CTDSPL2: variants seen among roughly 807,000 people sequenced by gnomAD.
The protein encoded by CTDSPL2 is CTD small phosphatase-like protein 2.
Under a neutral mutation model 60.0 loss-of-function variants are expected in CTDSPL2, and 5 were observed. That is an observed-to-expected ratio of 0.08 (90% CI 0.04 to 0.18). The LOEUF (loss-of-function observed/expected upper bound fraction) is 0.18, where lower values mean the gene tolerates loss of function less well. Among genes scored for constraint, CTDSPL2 ranks in the 10% least tolerant of loss-of-function variants. CTDSPL2 has a pLI of 1.00. For synonymous variants in CTDSPL2, 186 were observed against 189.3 expected (o/e 0.98, Z 0.14); for missense variants, 370 against 548.8 (o/e 0.67, Z 3.26).
chr15:44,452,237 T>G (rs2080347215), intron 1 of CTDSPL2, among the ~76,000 whole-genome samples: 1 of 152,224 alleles, frequency 6.6e-6, no homozygotes, highest in African/African-American at 2.4e-5. Context: ...AAATCTGTTT[T>G]GCTTTTTTTC....
At chr15:44,479,008 T>C (rs1000227830) in intron 2 of CTDSPL2, among the ~76,000 whole-genome samples, 2 of 151,836 alleles carry the variant, frequency 1.3e-5, no homozygotes, top group Admixed American at 6.6e-5. Flanking sequence ...GACATGCCAC[T>C]CCTGGCTTTT....
intron 1 of CTDSPL2, among the ~76,000 whole-genome samples, chr15:44,434,859 A>G (rs1357087050): frequency 6.6e-6 from 1 of 152,186 alleles, no homozygotes; most frequent in Non-Finnish European, 1.5e-5. Context: ...TTTTTAAATA[A>G]TTTTATAATA....
intron 5 of CTDSPL2, 72 bp downstream of exon 5, chr15:44,491,071 C>G: frequency 1.7e-6 from 2 of 1,156,782 alleles, no homozygotes; most frequent in Non-Finnish European, 2.5e-6. Context: ...CATATTTTTT[C>G]TTAAATGAGC....
chr15:44,497,404 C>T (rs1018800362), intron 7 of CTDSPL2, among the ~76,000 whole-genome samples: 9 of 152,058 alleles, frequency 5.9e-5, no homozygotes, highest in African/African-American at 1.9e-4. Context: ...CTCGCTCTGT[C>T]GCCCAGGCTG....
intron 8 of CTDSPL2, chr15:44,501,902 C>T (rs1318531492): frequency 9.4e-6 from 4 of 425,676 alleles, no homozygotes; most frequent in Non-Finnish European, 1.9e-5. Flanking sequence ...TTAGGGTTCC[C>T]CCAGTTTTCA....
At chr15:44,458,643 A>G (rs2080498292) in intron 1 of CTDSPL2, among the ~76,000 whole-genome samples, 1 of 152,222 alleles carries the variant, frequency 6.6e-6, no homozygotes. Context: ...TATGTATGCA[A>G]TAAATATTTG....
chr15:44,459,269 T>C, intron 2 of CTDSPL2, 69 bp downstream of exon 2: 2 of 1,161,204 alleles, frequency 1.7e-6, no homozygotes, highest in Non-Finnish European at 2.4e-6. Flanking sequence ...GGCTCACGCC[T>C]GTAATCCCAG....
At chr15:44,448,020 T>C in intron 1 of CTDSPL2, 1 of 231,558 alleles carries the variant, frequency 4.3e-6, no homozygotes, top group Non-Finnish European at 8.9e-6. Flanking sequence ...CCACCCCAGT[T>C]CCATCCGGAT....
At chr15:44,475,362 G>T (rs1051439452) in intron 2 of CTDSPL2, among the ~76,000 whole-genome samples, 1 of 152,092 alleles carries the variant, frequency 6.6e-6, no homozygotes, top group East Asian at 1.9e-4. Flanking sequence ...CTTCAGGCCG[G>T]GCGTGGTGGC....
chr15:44,494,454 A>T (rs189182835), intron 5 of CTDSPL2, among the ~76,000 whole-genome samples: 2,704 of 152,170 alleles, frequency 0.018, 87 homozygotes, highest in African/African-American at 0.062. Context: ...CCACAAAAAA[A>T]TTTTTAAAAA....
chr15:44,477,838 C>CA (rs372324023), intron 2 of CTDSPL2, among the ~76,000 whole-genome samples: 1,525 of 136,730 alleles, frequency 0.011, 20 homozygotes, highest in African/African-American at 0.024. Context: ...AACGTAGTCT[C>CA]AAAAAAAAAA....
In CTDSPL2 at chr15:44,459,096, T is replaced by A. The variant is rs747385750; in HGVS notation, c.82T>A (p.Ser28Thr). 6.2e-7 allele frequency: 1 copy of A among 1,613,272 alleles called. No homozygotes were observed. Among genetic ancestry groups the A allele is most frequent in the South Asian group, 1.1e-5 (1 of 91,012 alleles). ...CACTGCCAGAGCAAAGAGGAAATAT[T>A]CAGAGGTTGATGATAGCCTGCCTTC... ...QRTARAKRKY[S>T]EVDDSLPSGG... Residue 28 changes from serine to threonine, a missense_variant, in exon 2 of 13, where the codon TCA becomes ACA. By Grantham distance (58) the Ser-to-Thr change is moderately conservative. Transcript: ENST00000260327.
chr15:44,476,288 G>A (rs1047551135), intron 2 of CTDSPL2, among the ~76,000 whole-genome samples: 2 of 151,918 alleles, frequency 1.3e-5, no homozygotes, highest in East Asian at 3.9e-4. Flanking sequence ...GGATGGTCTC[G>A]ATCTCCTGAC....
At position 44,528,285 on chromosome 15, in the gene CTDSPL2, T is replaced by C. The variant is rs964474375; in HGVS notation, c.*4111T>C. ...GCTTTTAAAATAGATTCCTGGAGCC[T>C]ACCCCTGGAAAATTGTCTCGCTGGA... On this transcript the variant is annotated 3_prime_UTR_variant, in exon 13 of 13. Coordinates refer to ENST00000260327, the MANE Select transcript of CTDSPL2 (RefSeq NM_016396.3). 1 of 152,072 alleles carries C rather than the reference T, an allele frequency of 6.6e-6. No homozygotes were observed. The allele number at this position is 152,072 out of a possible 1,614,324, so 9.4% of individuals were successfully genotyped here. A position where few individuals can be genotyped will look rare whatever the true frequency, so the allele number is the denominator to read the frequency against.
chr15:44,518,112 G>T (rs1229751583), intron 10 of CTDSPL2, among the ~76,000 whole-genome samples: 1 of 152,124 alleles, frequency 6.6e-6, no homozygotes, highest in Non-Finnish European at 1.5e-5. Context: ...TGGTAGCACT[G>T]TGACAGATTT....
chr15:44,502,851 G>T (rs2081402109), intron 8 of CTDSPL2, among the ~76,000 whole-genome samples: 1 of 152,056 alleles, frequency 6.6e-6, no homozygotes, highest in Non-Finnish European at 1.5e-5. Context: ...GAACTTTGAG[G>T]TGGCCACTAC....
In CTDSPL2 at chr15:44,427,776, A is replaced by ACGCCCTTCGTCCCCTTCG. The variant is rs1339261054; in HGVS notation, c.-25+4_-25+5insCGCCCTTCGTCCCCTTCG. On this transcript the variant is annotated splice_donor_region_variant and intron_variant, in intron 1 of 12. Transcript: ENST00000260327. The stretch of plus-strand genomic sequence containing the variant: ...ACTTCTCTGTCGTCACAGTTAGGTA[A>ACGCCCTTCGTCCCCTTCG]TCCCCTTCGTCCAGACGCCGCCGCT... The ACGCCCTTCGTCCCCTTCG allele has an allele frequency of 2.5e-6, 1 of 398,994 alleles. No individual in the cohort carries two copies. Among genetic ancestry groups the ACGCCCTTCGTCCCCTTCG allele is most frequent in the Non-Finnish European group, 4.4e-6 (1 of 226,334 alleles). The allele number at this position is 398,994 out of a possible 1,614,324, so 24.7% of individuals were successfully genotyped here.
In CTDSPL2 at chr15:44,526,226, G is replaced by A. The variant is rs1310295820; in HGVS notation, c.*2052G>A. On this transcript the variant is annotated 3_prime_UTR_variant, in exon 13 of 13. Transcript: ENST00000260327. The stretch of plus-strand genomic sequence containing the variant: ...TGTGAACCTAGTTACATTTCTCCCT[G>A]CTCCCTTCCTTTTTATGCTCAAACA... The A allele has an allele frequency of 6.6e-6, 1 of 151,944 alleles. No homozygotes were observed. Among genetic ancestry groups the A allele is most frequent in the Non-Finnish European group, 1.5e-5 (1 of 67,952 alleles). 9.4% of individuals were successfully genotyped at this position (151,944 alleles called of 1,614,324 possible). A position where few individuals can be genotyped will look rare whatever the true frequency, so the allele number is the denominator to read the frequency against.
chr15:44,501,225 G>A (rs114355322), intron 8 of CTDSPL2, among the ~76,000 whole-genome samples: 2 of 151,926 alleles, frequency 1.3e-5, no homozygotes, highest in Non-Finnish European at 2.9e-5. Flanking sequence ...TGGCTTTAAG[G>A]CTTTGAATTT....
Sources: gnomAD v4.1 joint callset for allele counts (sites outside exome capture counted in the v4.1 genomes callset) on GRCh38, gnomAD v4.1.1 for gene constraint, MANE v1.5 for transcripts, NCBI Gene and HGNC (gene_info 2026-07-23, HGNC 2026-07-21) for gene names.